Variants in DPY19L1 observed in about 807,000 individuals in gnomAD.
DPY19L1 encodes dpy-19 like C-mannosyltransferase 1, also known as protein C-mannosyl-transferase DPY19L1.
DPY19L1 carries 35 observed loss-of-function variants against 96.9 expected under a neutral mutation model. That is an observed-to-expected ratio of 0.36 (90% CI 0.28 to 0.48). The LOEUF (loss-of-function observed/expected upper bound fraction) is 0.48. Among genes scored for constraint, DPY19L1 ranks in the 20% least tolerant of loss-of-function variants. The pLI, the probability that DPY19L1 is intolerant of heterozygous loss-of-function variation, is 0.99. For synonymous variants in DPY19L1, 205 were observed against 252.6 expected (o/e 0.81, Z 1.79); for missense variants, 521 against 777.9 (o/e 0.67, Z 3.93).
chr7:34,987,279 GTTT>G (rs1321586719), intron 7 of DPY19L1, among the ~76,000 whole-genome samples: 2 of 151,948 alleles, frequency 1.3e-5, no homozygotes, highest in Admixed American at 6.6e-5. Context: ...CATCTGCATA[GTTT>G]TTATTATAGA....
At chr7:35,032,383 A>C (rs530057503) in intron 1 of DPY19L1, among the ~76,000 whole-genome samples, 3 of 152,180 alleles carry the variant, frequency 2.0e-5, no homozygotes, top group Non-Finnish European at 4.4e-5. Context: ...AAACAAGCAC[A>C]GTAATCATAG....
chr7:35,030,911 T>C (rs1373414387), intron 1 of DPY19L1, among the ~76,000 whole-genome samples: 1 of 152,132 alleles, frequency 6.6e-6, no homozygotes, highest in Non-Finnish European at 1.5e-5. Flanking sequence ...ATAGACGTAA[T>C]TTTTACTAGC....
Position 35,028,340 on chromosome 7 carries a change from G to T in DPY19L1, c.298+8757C>A, listed in dbSNP as rs1355139738. 2.7e-4 allele frequency among the ~76,000 whole-genome samples: 41 copies of T among 152,202 alleles called. 1 individual carries two copies. The highest frequency in any genetic ancestry group is 2.6e-3 in the Admixed American group (40 of 15,280). ...TTATTTTAAAGTGAATACAGTATAT[G>T]AAAACAGGAGAGCATGGAAAGTATA... On this transcript the variant is annotated intron_variant, in intron 1 of 21. Transcript: ENST00000638088.
intron 9 of DPY19L1, among the ~76,000 whole-genome samples, chr7:34,968,411 C>T (rs1784654644): frequency 1.3e-5 from 2 of 152,060 alleles, no homozygotes; most frequent in Admixed American, 6.6e-5. Context: ...AGTTAAGAGG[C>T]TAGTGAATAG....
At chr7:35,020,811 C>T (rs1265087413) in intron 1 of DPY19L1, among the ~76,000 whole-genome samples, 1 of 152,120 alleles carries the variant, frequency 6.6e-6, no homozygotes, top group African/African-American at 2.4e-5. Flanking sequence ...TGGTTTCAAG[C>T]GATTCTCCTG....
chr7:34,980,410 A>T (rs1163443225), intron 7 of DPY19L1, among the ~76,000 whole-genome samples: 5 of 152,126 alleles, frequency 3.3e-5, no homozygotes, highest in Non-Finnish European at 7.4e-5. Flanking sequence ...AACATAAGAG[A>T]CTGATAAATG....
At chr7:35,035,644 A>G (rs1038612912) in intron 1 of DPY19L1, among the ~76,000 whole-genome samples, 1 of 152,234 alleles carries the variant, frequency 6.6e-6, no homozygotes, top group Non-Finnish European at 1.5e-5. Flanking sequence ...CTCTAAACAC[A>G]AAGTATCTTC....
chr7:34,959,459 A>C (rs1390754780), intron 10 of DPY19L1, among the ~76,000 whole-genome samples: 1 of 152,200 alleles, frequency 6.6e-6, no homozygotes, highest in Non-Finnish European at 1.5e-5. Flanking sequence ...GACTTGGAAC[A>C]AACCCAAATG....
At chr7:34,939,209 G>C in intron 20 of DPY19L1, 67 bp downstream of exon 20, 1 of 1,358,556 alleles carries the variant, frequency 7.4e-7, no homozygotes, top group Non-Finnish European at 1.0e-6. Flanking sequence ...TTACTTTGCT[G>C]GTGTCCTCCA....
upstream of DPY19L1, chr7:35,038,001 C>T (rs1786492050): frequency 4.0e-6 from 4 of 1,004,408 alleles, no homozygotes; most frequent in Non-Finnish European, 5.1e-6. Flanking sequence ...AGGCGAGACG[C>T]GGCGGGGCAG....
chr7:35,030,711 G>C (rs1786239966), intron 1 of DPY19L1, among the ~76,000 whole-genome samples: 1 of 152,122 alleles, frequency 6.6e-6, no homozygotes, highest in South Asian at 2.1e-4. Context: ...ATAGAAAGCA[G>C]TATTAAAGCA....
chr7:34,996,803 T>A (rs1370583827), intron 6 of DPY19L1, among the ~76,000 whole-genome samples: 1 of 152,084 alleles, frequency 6.6e-6, no homozygotes, highest in African/African-American at 2.4e-5. Flanking sequence ...TCACTATTCT[T>A]CCTCCTACCC....
At chr7:34,984,303 C>A (rs328906) in intron 7 of DPY19L1, among the ~76,000 whole-genome samples, 37,295 of 151,904 alleles carry the variant, frequency 0.25, 5,137 homozygotes, top group Admixed American at 0.38. Context: ...GATGACTAGG[C>A]GTTAATTAGG....
intron 1 of DPY19L1, among the ~76,000 whole-genome samples, chr7:35,025,287 C>T (rs751754125): frequency 4.1e-4 from 63 of 152,224 alleles, no homozygotes; most frequent in Admixed American, 7.2e-4. Context: ...ATGCACAACA[C>T]GTTTTCCTAG....
At chr7:35,004,206 C>T (rs1308418790) in intron 6 of DPY19L1, among the ~76,000 whole-genome samples, 1 of 152,224 alleles carries the variant, frequency 6.6e-6, no homozygotes, top group Admixed American at 6.5e-5. Flanking sequence ...GGCAGCTCAG[C>T]TCCCTCCCCT....
intron 21 of DPY19L1, 120 bp downstream of exon 21, chr7:34,937,874 G>C (rs1195133467): frequency 2.8e-6 from 3 of 1,063,776 alleles, no homozygotes. Flanking sequence ...AAAAGAAGAA[G>C]TTTTTCCATG....
chr7:34,981,091 G>A (rs1315898553), intron 7 of DPY19L1, among the ~76,000 whole-genome samples: 1 of 152,030 alleles, frequency 6.6e-6, no homozygotes, highest in Non-Finnish European at 1.5e-5. Flanking sequence ...TCTAGTTCCT[G>A]GATACAAGAT....
chr7:34,994,757 C>G (rs1386656898), intron 6 of DPY19L1, among the ~76,000 whole-genome samples: 2 of 151,398 alleles, frequency 1.3e-5, no homozygotes, highest in African/African-American at 4.9e-5. Context: ...TGAGCCAAGA[C>G]TGTGCCACTG....
chr7:35,002,176 C>T (rs1187495879), intron 6 of DPY19L1, among the ~76,000 whole-genome samples: 1 of 147,612 alleles, frequency 6.8e-6, no homozygotes, highest in Admixed American at 6.7e-5. Flanking sequence ...AAAACCCACA[C>T]ACACAAGCTA....
Sources: gnomAD v4.1 joint callset for allele counts (sites outside exome capture counted in the v4.1 genomes callset) on GRCh38, gnomAD v4.1.1 for gene constraint, MANE v1.5 for transcripts, NCBI Gene and HGNC (gene_info 2026-07-23, HGNC 2026-07-21) for gene names.